The following CASR variants were observed in gnomAD, a reference collection of about 807,000 sequenced individuals.
CASR encodes the protein calcium sensing receptor.
A neutral mutation model predicts 69.1 loss-of-function variants in CASR; 23 were observed. That is an observed-to-expected ratio of 0.33 (90% CI 0.24 to 0.47). The LOEUF (loss-of-function observed/expected upper bound fraction) is 0.47. CASR is among the 20% of genes least tolerant of loss of function. The pLI is 1.00. For synonymous variants in CASR, 541 were observed against 544.7 expected (o/e 0.99, Z 0.10); for missense variants, 924 against 1,356.1 (o/e 0.68, Z 5.00).
At position 122,262,430 on chromosome 3, in the gene CASR, A is replaced by G. The variant is rs758703660; in HGVS notation, c.1377+18A>G. On this transcript the variant is annotated intron_variant, in intron 4 of 6. Coordinates refer to ENST00000639785, the MANE Select transcript of CASR (RefSeq NM_000388.4). ...CGTGGCAGGTGCGTCCTTCACTTAT[A>G]TAGCAATTTGCTGTATAATAAAGCA... 6.2e-7 allele frequency: 1 copy of G among 1,606,718 alleles called. No homozygotes were observed. The highest frequency in any genetic ancestry group is 1.1e-5 in the South Asian group (1 of 91,056).
intron 1 of CASR, among the ~76,000 whole-genome samples, chr3:122,199,416 A>G (rs1482842866): frequency 1.3e-5 from 2 of 152,202 alleles, no homozygotes; most frequent in Non-Finnish European, 2.9e-5. Flanking sequence ...TTTTTTCTAT[A>G]TGCTGAATTA....
rs191361914 is a variant in CASR, at chr3:122,236,289, G to A, written c.-242-17659G>A. On this transcript the variant is annotated intron_variant, in intron 1 of 6. Transcript: ENST00000639785. ...TCCAGAACAGCTTCAGGTGTCCTTA[G>A]CAATGGAGAATCTTCTCATAGAGGC... Among the ~76,000 whole-genome samples, 6 of 152,316 alleles carry A rather than the reference G, an allele frequency of 3.9e-5. No homozygotes were observed. In the East Asian group the frequency reaches 1.2e-3, roughly 29 times the overall value.
chr3:122,236,702 C>T (rs957426542), intron 1 of CASR, among the ~76,000 whole-genome samples: 3 of 152,162 alleles, frequency 2.0e-5, no homozygotes, highest in African/African-American at 4.8e-5. Context: ...TCCAGTGGGA[C>T]GCAAATTCTT....
intron 1 of CASR, among the ~76,000 whole-genome samples, chr3:122,184,828 C>G (rs1038115330): frequency 6.6e-6 from 1 of 152,246 alleles, no homozygotes; most frequent in African/African-American, 2.4e-5. Context: ...TGTGCCTCTG[C>G]CTTGTTTCTG....
rs1212959682 is a variant in CASR at position 122,254,335 on chromosome 3, A to G, written c.146A>G (p.Gln49Arg). The part of the protein sequence containing the change: ...PIHFGVAAKD[Q>R]DLKSRPESVE... ...CATTTTGGAGTAGCAGCTAAAGATCAAGATCTCAAATCAAGGCCGGAGTCT... is the reference window on the plus strand; with the variant it reads ...CATTTTGGAGTAGCAGCTAAAGATCGAGATCTCAAATCAAGGCCGGAGTCT... Residue 49 changes from glutamine (Q) to arginine (R), a missense_variant, in exon 2 of 7, where the codon CAA becomes CGA. Coordinates refer to ENST00000639785, the MANE Select transcript of CASR (RefSeq NM_000388.4). The G allele has an allele frequency of 1.2e-6, 2 of 1,614,210 alleles. No homozygotes were observed. Among genetic ancestry groups the G allele is most frequent in the Non-Finnish European group, 1.7e-6 (2 of 1,180,020 alleles).
chr3:122,284,793 C>T lies in CASR; in HGVS notation c.2839C>T (p.Pro947Ser), dbSNP rs762202393. The change falls in exon 7 of 7, where the codon CCC becomes TCC. Residue 947 changes from proline to serine, a missense_variant. Physicochemically the swap from Pro to Ser is moderately conservative, Grantham distance 74 (BLOSUM62 -1). Coordinates refer to ENST00000639785, the MANE Select transcript of CASR (RefSeq NM_000388.4). ...AACCCAGCAAGAGCAGCAGCAGCAGCCCCTGACCCTCCCACAGCAGCAACG... is the reference window on the plus strand; with the variant it reads ...AACCCAGCAAGAGCAGCAGCAGCAGTCCCTGACCCTCCCACAGCAGCAACG... ...ALTQQEQQQQ[P>S]LTLPQQQRSQ... 1.2e-6 allele frequency: 2 copies of T among 1,614,188 alleles called. No homozygotes were observed. Among genetic ancestry groups the T allele is most frequent in the South Asian group, 2.2e-5 (2 of 91,084 alleles).
chr3:122,256,385 T>C (rs1029709480), intron 2 of CASR, among the ~76,000 whole-genome samples: 13 of 152,262 alleles, frequency 8.5e-5, no homozygotes, highest in African/African-American at 2.4e-5. Context: ...TACATATTGC[T>C]TTTATTTAAG....
At chr3:122,249,342 G>A (rs146097705) in intron 1 of CASR, among the ~76,000 whole-genome samples, 45 of 152,250 alleles carry the variant, frequency 3.0e-4, no homozygotes, top group Middle Eastern at 3.4e-3. Flanking sequence ...CTTATAATGC[G>A]CCTTTCTGTC....
At chr3:122,264,531 G>T (rs1333906972) in intron 4 of CASR, among the ~76,000 whole-genome samples, 1 of 152,196 alleles carries the variant, frequency 6.6e-6, no homozygotes, top group East Asian at 1.9e-4. Flanking sequence ...AAGCAAAGCA[G>T]CCAACATTCA....
chr3:122,277,963 T>A (rs1827381), intron 5 of CASR, among the ~76,000 whole-genome samples: 15,338 of 152,246 alleles, frequency 0.1, 1,522 homozygotes, highest in East Asian at 0.52. Flanking sequence ...TTTTTTTCCA[T>A]AGAAATATTA....
intron 6 of CASR, among the ~76,000 whole-genome samples, chr3:122,283,226 T>G (rs981285521): frequency 1.3e-5 from 2 of 152,230 alleles, no homozygotes; most frequent in African/African-American, 2.4e-5. Flanking sequence ...AGTAGCCAGT[T>G]TACTGCCCAT....
intron 4 of CASR, among the ~76,000 whole-genome samples, chr3:122,265,527 C>T (rs7614142): frequency 2.0e-5 from 3 of 152,142 alleles, no homozygotes; most frequent in Non-Finnish European, 2.9e-5. Flanking sequence ...GAATGCCTGT[C>T]GCTGGAATAT....
intron 1 of CASR, among the ~76,000 whole-genome samples, chr3:122,242,290 T>A (rs1910050): frequency 6.6e-6 from 1 of 151,860 alleles, no homozygotes; most frequent in African/African-American, 2.4e-5. Flanking sequence ...ACCTATAGAC[T>A]CCACCAAAAA....
At chr3:122,249,657 T>G (rs1472403150) in intron 1 of CASR, among the ~76,000 whole-genome samples, 1 of 152,224 alleles carries the variant, frequency 6.6e-6, no homozygotes, top group African/African-American at 2.4e-5. Flanking sequence ...CCAAGATGTA[T>G]CTGCCATTGA....
intron 1 of CASR, among the ~76,000 whole-genome samples, chr3:122,193,960 T>G (rs1272622921): frequency 6.6e-6 from 1 of 152,134 alleles, no homozygotes; most frequent in Non-Finnish European, 1.5e-5. Flanking sequence ...CTCATTTAAG[T>G]GATGAGAAGA....
Position 122,261,773 on chromosome 3 carries a change from C to T in CASR, c.738C>T (p.Tyr246=), listed in dbSNP as rs895337411. Residue 246 remains tyrosine (Y), a synonymous_variant, in exon 4 of 7, where the codon TAC becomes TAT. Coordinates refer to ENST00000639785, the MANE Select transcript of CASR (RefSeq NM_000388.4). ...ACTTCAGTGAACTCATCTCCCAGTA[C>T]TCTGATGAGGAAGAGATCCAGCATG... is the stretch of plus-strand genomic sequence containing the variant. ...CIDFSELISQ[Y]SDEEEIQHVV... 18 of 1,614,230 alleles carry T rather than the reference C, an allele frequency of 1.1e-5. No individual in the cohort carries two copies. Among genetic ancestry groups the T allele is most frequent in the Admixed American group, 5.0e-5 (3 of 60,034 alleles).
intron 4 of CASR, among the ~76,000 whole-genome samples, chr3:122,268,527 G>A (rs2074719521): frequency 6.6e-6 from 1 of 152,202 alleles, no homozygotes; most frequent in African/African-American, 2.4e-5. Flanking sequence ...AACCCTGGGT[G>A]TTCAACAATT....
intron 1 of CASR, among the ~76,000 whole-genome samples, chr3:122,199,010 C>T (rs2073916904): frequency 6.6e-6 from 1 of 152,150 alleles, no homozygotes; most frequent in Non-Finnish European, 1.5e-5. Flanking sequence ...CAAATTCCCT[C>T]TTTTTATAGA....
rs554693363 is a variant in CASR, at chr3:122,289,145, C to G, written c.*3954C>G. The G allele has an allele frequency of 5.9e-5, 9 of 152,222 alleles. No individual in the cohort carries two copies. The highest frequency in any genetic ancestry group is 1.3e-4 in the Non-Finnish European group (9 of 68,044). 9.4% of individuals were successfully genotyped at this position (152,222 alleles called of 1,614,324 possible). A position where few individuals can be genotyped will look rare whatever the true frequency, so the allele number is the denominator to read the frequency against. ...TCTGCCCAGCCAGAGCTTCCCTTTG[C>G]TCATCTGCTGCATTTGAAATAATTA... On this transcript the variant is annotated 3_prime_UTR_variant, in exon 7 of 7. Transcript: ENST00000639785.
Sources: allele counts gnomAD v4.1 joint callset (sites outside exome capture counted in the v4.1 genomes callset), GRCh38; gene constraint gnomAD v4.1.1; transcripts MANE v1.5; gene names NCBI Gene and HGNC (gene_info 2026-07-23, HGNC 2026-07-21).